Variants in HS3ST4 observed in about 807,000 individuals in gnomAD.
HS3ST4 encodes the protein heparan sulfate glucosamine 3-O-sulfotransferase 4.
Under a neutral mutation model 29.2 loss-of-function variants are expected in HS3ST4, and 17 were observed. That is an observed-to-expected ratio of 0.58 (90% confidence interval 0.40 to 0.87). The LOEUF (loss-of-function observed/expected upper bound fraction) is 0.87. Ranked by LOEUF, HS3ST4 falls within the 40% of genes least tolerant of loss-of-function variation. The probability of loss-of-function intolerance (pLI) is 0.00; values close to 1 mark genes in which losing one functional copy is unlikely to be tolerated. For missense variants in HS3ST4, 627 were observed against 634.5 expected (o/e 0.99, Z 0.13); for synonymous variants, 314 against 285.7 (o/e 1.10, Z -1.00).
intron 1 of HS3ST4, among the ~76,000 whole-genome samples, chr16:25,886,027 G>GTTTTTTTTTTT (rs34713423): frequency 1.2e-5 from 1 of 82,760 alleles, no homozygotes; most frequent in Admixed American, 1.7e-4. Context: ...TCTTACTGTG[G>GTTTTTTTTTTT]TTTTTTTTTT....
chr16:25,854,774 C>T (rs8058064), intron 1 of HS3ST4, among the ~76,000 whole-genome samples: 1 of 141,376 alleles, frequency 7.1e-6, no homozygotes, highest in Admixed American at 7.2e-5. Context: ...GTAAGGGAGG[C>T]GAGGTGTTTG....
At chr16:25,867,070 A>G (rs1212279633) in intron 1 of HS3ST4, among the ~76,000 whole-genome samples, 1 of 152,218 alleles carries the variant, frequency 6.6e-6, no homozygotes, top group Non-Finnish European at 1.5e-5. Context: ...TAGAAATAAT[A>G]TCCAACTTAG....
chr16:25,980,365 T>G (rs1428120888), intron 1 of HS3ST4, among the ~76,000 whole-genome samples: 1 of 152,224 alleles, frequency 6.6e-6, no homozygotes, highest in African/African-American at 2.4e-5. Flanking sequence ...ACTGTGGATG[T>G]CATTTCAGCT....
intron 1 of HS3ST4, among the ~76,000 whole-genome samples, chr16:26,010,766 G>T (rs767348118): frequency 6.6e-6 from 1 of 152,186 alleles, no homozygotes; most frequent in Non-Finnish European, 1.5e-5. Flanking sequence ...CACAGAGGAG[G>T]CCATGTCTCA....
chr16:25,934,992 T>C (rs1968504990), intron 1 of HS3ST4, among the ~76,000 whole-genome samples: 2 of 152,102 alleles, frequency 1.3e-5, no homozygotes, highest in African/African-American at 4.8e-5. Context: ...ATGAGGGTGG[T>C]TTCCCCCATG....
intron 1 of HS3ST4, among the ~76,000 whole-genome samples, chr16:25,831,386 A>G (rs1436771511): frequency 1.5e-5 from 2 of 136,142 alleles, no homozygotes; most frequent in Non-Finnish European, 3.2e-5. Flanking sequence ...ACATAATGAG[A>G]CCCCGTCTCT....
chr16:26,133,098 G>A (rs1205844267), intron 1 of HS3ST4, among the ~76,000 whole-genome samples: 5 of 151,954 alleles, frequency 3.3e-5, no homozygotes. Flanking sequence ...TAGATACCAT[G>A]TTTTCCTGCC....
chr16:25,827,429 C>G (rs1967230365), intron 1 of HS3ST4, among the ~76,000 whole-genome samples: 1 of 151,598 alleles, frequency 6.6e-6, no homozygotes, highest in Non-Finnish European at 1.5e-5. Context: ...ACAGCATTCA[C>G]TGACAAGTCA....
chr16:26,042,762 C>T (rs1415642634), intron 1 of HS3ST4, among the ~76,000 whole-genome samples: 12 of 96,868 alleles, frequency 1.2e-4, no homozygotes. Context: ...TTTTTGTTCT[C>T]TCTCCTTTTT....
chr16:25,846,794 T>G (rs1967471046), intron 1 of HS3ST4, among the ~76,000 whole-genome samples: 1 of 152,156 alleles, frequency 6.6e-6, no homozygotes, highest in African/African-American at 2.4e-5. Flanking sequence ...GGAAAATACT[T>G]CTCATTCCCC....
chr16:26,091,559 C>T (rs1898857628), intron 1 of HS3ST4, among the ~76,000 whole-genome samples: 1 of 152,180 alleles, frequency 6.6e-6, no homozygotes, highest in African/African-American at 2.4e-5. Context: ...TGGGGTCTAG[C>T]TTTCCTTCTA....
chr16:25,944,544 A>ATTTACAT (rs1208668085), intron 1 of HS3ST4, among the ~76,000 whole-genome samples: 2 of 152,216 alleles, frequency 1.3e-5, no homozygotes, highest in Non-Finnish European at 2.9e-5. Context: ...AGTTAAGGAC[A>ATTTACAT]TTTACATTGA....
intron 1 of HS3ST4, among the ~76,000 whole-genome samples, chr16:26,055,235 G>A (rs945172962): frequency 1.3e-5 from 2 of 152,084 alleles, no homozygotes; most frequent in Non-Finnish European, 2.9e-5. Context: ...GACTGGCTCA[G>A]CCCCAAACCT....
At chr16:25,702,414 A>G (rs1393975643) in intron 1 of HS3ST4, among the ~76,000 whole-genome samples, 1 of 152,250 alleles carries the variant, frequency 6.6e-6, no homozygotes, top group Admixed American at 6.5e-5. Flanking sequence ...GAATAAATTT[A>G]GCAAAAATTG....
intron 1 of HS3ST4, 84 bp from the exon 2 acceptor site, chr16:26,135,528 T>A (rs1898270505): frequency 3.0e-6 from 4 of 1,351,622 alleles, no homozygotes; most frequent in Non-Finnish European, 4.0e-6. Context: ...AACTAGGTTG[T>A]TTATATCACA....
Position 26,024,296 on chromosome 16 carries a change from G to A in HS3ST4, c.735-111316G>A, listed in dbSNP as rs142518401. Among the ~76,000 whole-genome samples the A allele has an allele frequency of 3.0e-3, 462 of 151,538 alleles. 3 individuals carry two copies. The highest frequency in any genetic ancestry group is 0.01 in the African/African-American group (432 of 41,278). On this transcript the variant is annotated intron_variant, in intron 1 of 1. Coordinates refer to ENST00000331351, the MANE Select transcript of HS3ST4 (RefSeq NM_006040.3). The stretch of plus-strand genomic sequence containing the variant: ...AGTGCATGGTATCCAGGACATGTCA[G>A]TAAGTGAGATCTCTGCTTATCATAA...
At chr16:26,054,447 A>G (rs545837079) in intron 1 of HS3ST4, among the ~76,000 whole-genome samples, 2 of 152,326 alleles carry the variant, frequency 1.3e-5, no homozygotes, top group Admixed American at 1.3e-4. Flanking sequence ...GCAAGAGCTA[A>G]ACATCTGTTT....
At chr16:25,988,411 G>C (rs889997299) in intron 1 of HS3ST4, among the ~76,000 whole-genome samples, 1 of 152,116 alleles carries the variant, frequency 6.6e-6, no homozygotes, top group Non-Finnish European at 1.5e-5. Context: ...TTTGGTCCTG[G>C]GCGGATCCCT....
chr16:25,819,586 C>T (rs1967126849), intron 1 of HS3ST4, among the ~76,000 whole-genome samples: 1 of 152,166 alleles, frequency 6.6e-6, no homozygotes, highest in Non-Finnish European at 1.5e-5. Flanking sequence ...TGATCACTCA[C>T]AGAACTGTGG....
Sources: gnomAD v4.1 joint callset for allele counts (sites outside exome capture counted in the v4.1 genomes callset) on GRCh38, gnomAD v4.1.1 for gene constraint, MANE v1.5 for transcripts, NCBI Gene and HGNC (gene_info 2026-07-23, HGNC 2026-07-21) for gene names.